Variants in GALNT18 observed in about 807,000 individuals in gnomAD.
GALNT18 encodes GalNAc-transferase 18.
GALNT18 carries 44 observed loss-of-function variants against 69.5 expected under a neutral mutation model. The observed-to-expected ratio is 0.63, with a 90% CI of 0.50 to 0.81. The LOEUF (loss-of-function observed/expected upper bound fraction) is 0.81. Ranked by LOEUF, GALNT18 falls within the 40% of genes least tolerant of loss-of-function variation. The pLI, the probability that GALNT18 is intolerant of heterozygous loss-of-function variation, is 0.00. For missense variants in GALNT18, 715 were observed against 810.0 expected (o/e 0.88, Z 1.42); for synonymous variants, 364 against 318.2 (o/e 1.14, Z -1.53).
rs1226933973 is a variant in GALNT18 at position 11,463,523 on chromosome 11, T to G, written c.236-14587A>C. Among the ~76,000 whole-genome samples, 1 of 152,202 alleles carries G rather than the reference T, an allele frequency of 6.6e-6. No homozygotes were observed. Among genetic ancestry groups the G allele is most frequent in the Admixed American group, 6.5e-5 (1 of 15,288 alleles). The stretch of plus-strand genomic sequence containing the variant: ...ACACGTCCCCTGGGAGCCCTAGCTG[T>G]TGTGGCCCCAGGGCTGAGCGTGCCA... On this transcript the variant is annotated intron_variant, in intron 1 of 10. Coordinates refer to ENST00000227756, the MANE Select transcript of GALNT18 (RefSeq NM_198516.3). The surrounding 1 kb of genome is among the most constrained non-coding windows in gnomAD (Gnocchi z 4.2).
intron 1 of GALNT18, among the ~76,000 whole-genome samples, chr11:11,553,633 C>T (rs1317174768): frequency 6.6e-6 from 1 of 152,136 alleles, no homozygotes; most frequent in Non-Finnish European, 1.5e-5. Context: ...CCTGGGAAGG[C>T]CCTTTATGGA....
intron 1 of GALNT18, among the ~76,000 whole-genome samples, chr11:11,554,204 C>A (rs761046975): frequency 6.6e-6 from 1 of 152,192 alleles, no homozygotes; most frequent in Admixed American, 6.5e-5. Context: ...TTTCTGGAGC[C>A]ATGGCTGTGA....
At chr11:11,487,185 C>A (rs1404547822) in intron 1 of GALNT18, among the ~76,000 whole-genome samples, 1 of 152,172 alleles carries the variant, frequency 6.6e-6, no homozygotes, top group Non-Finnish European at 1.5e-5. Flanking sequence ...AGGTTGTCTT[C>A]ATGATATTAT....
intron 1 of GALNT18, among the ~76,000 whole-genome samples, chr11:11,597,660 ATTC>A (rs1859532550): frequency 6.8e-6 from 1 of 146,232 alleles, no homozygotes; most frequent in Admixed American, 6.7e-5. Context: ...TAATTTGAGT[ATTC>A]TTTTTTTTTT....
intron 3 of GALNT18, among the ~76,000 whole-genome samples, chr11:11,390,316 C>T (rs1854156830): frequency 6.6e-6 from 1 of 152,190 alleles, no homozygotes; most frequent in Non-Finnish European, 1.5e-5. Context: ...TTCTTCTCGC[C>T]TCCCCTGTCC....
intron 6 of GALNT18, among the ~76,000 whole-genome samples, chr11:11,362,285 T>G (rs1200404854): frequency 1.3e-5 from 2 of 152,078 alleles, no homozygotes; most frequent in Non-Finnish European, 2.9e-5. Context: ...TTTCTATGAT[T>G]AAAATCTGGA....
At chr11:11,468,410 T>C (rs1417766994) in intron 1 of GALNT18, among the ~76,000 whole-genome samples, 2 of 152,252 alleles carry the variant, frequency 1.3e-5, no homozygotes, top group African/African-American at 2.4e-5. Context: ...GCTCGCCTCC[T>C]TCCTGCCTGC....
intron 9 of GALNT18, among the ~76,000 whole-genome samples, chr11:11,326,773 T>C (rs375850817): frequency 1.3e-5 from 2 of 152,198 alleles, no homozygotes; most frequent in African/African-American, 4.8e-5. Flanking sequence ...GCCAGAACTG[T>C]GATGTACCCA....
chr11:11,452,921 G>A (rs1043358708), intron 1 of GALNT18, among the ~76,000 whole-genome samples: 3 of 152,186 alleles, frequency 2.0e-5, no homozygotes, highest in Non-Finnish European at 2.9e-5. Context: ...GGGCCCATTC[G>A]AGGCAGAGAT....
intron 6 of GALNT18, among the ~76,000 whole-genome samples, chr11:11,363,202 T>G (rs1435828057): frequency 6.6e-6 from 1 of 152,210 alleles, no homozygotes; most frequent in Non-Finnish European, 1.5e-5. Context: ...TGAAAGTTCC[T>G]TATTTTGTAG....
In GALNT18 at chr11:11,372,396, G is replaced by A; in HGVS notation, c.1092+119C>T. The A allele has an allele frequency of 1.3e-6, 1 of 754,282 alleles. No homozygotes were observed. Among genetic ancestry groups the A allele is most frequent in the Non-Finnish European group, 2.3e-6 (1 of 439,918 alleles). The allele number at this position is 754,282 out of a possible 1,614,324, so 46.7% of individuals were successfully genotyped here. ...CAATCCCAATCACACACAGGATTCA[G>A]GACTGGACATTCAGAATCAGTCTGT... On this transcript the variant is annotated intron_variant, in intron 6 of 10. Transcript: ENST00000227756. This position sits in a 1 kb window ranked among gnomAD's most constrained non-coding sequence, Gnocchi z 4.9.
intron 1 of GALNT18, among the ~76,000 whole-genome samples, chr11:11,551,866 G>A (rs1858202645): frequency 6.6e-6 from 1 of 152,182 alleles, no homozygotes. Flanking sequence ...TGTTCTGCGA[G>A]CAGGGGGTGG....
In GALNT18 at chr11:11,578,769, G is replaced by C. The variant is rs538098280; in HGVS notation, c.235+42590C>G. On this transcript the variant is annotated intron_variant, in intron 1 of 10. Coordinates refer to ENST00000227756, the MANE Select transcript of GALNT18 (RefSeq NM_198516.3). ...GCTGCTGCCTTCCTTCGGGACTCCT[G>C]CTGCATTAGCAAAATCAATGAAGGG... Among the ~76,000 whole-genome samples, 21 of 152,346 alleles carry C rather than the reference G, an allele frequency of 1.4e-4. No homozygotes were observed. In the South Asian group the frequency reaches 3.9e-3, roughly 29 times the overall value.
At chr11:11,593,783 GTAAAA>G (rs140996966) in intron 1 of GALNT18, among the ~76,000 whole-genome samples, 5,420 of 152,156 alleles carry the variant, frequency 0.036, 128 homozygotes, top group Non-Finnish European at 0.056. Flanking sequence ...ATAAAATAAA[GTAAAA>G]TAAAATAAAA....
At chr11:11,551,152 T>A (rs1299041051) in intron 1 of GALNT18, among the ~76,000 whole-genome samples, 3 of 151,812 alleles carry the variant, frequency 2.0e-5, no homozygotes, top group African/African-American at 7.3e-5. Flanking sequence ...TATAACAAGT[T>A]CACTTTATTT....
rs1003682122 is a variant in GALNT18 at position 11,457,577 on chromosome 11, C to A, written c.236-8641G>T. Among the ~76,000 whole-genome samples the A allele has an allele frequency of 2.0e-5, 3 of 152,364 alleles. No homozygotes were observed. The East Asian group carries it at 5.8e-4, about 29-fold the overall frequency. ...GGTTGGGCCGCAGGAATGGTCAAGT[C>A]CTACCGAAGGGTCAGACAGAGCCAC... On this transcript the variant is annotated intron_variant, in intron 1 of 10. Transcript: ENST00000227756.
At position 11,511,827 on chromosome 11, in the gene GALNT18, A is replaced by C. The variant is rs1209693827; in HGVS notation, c.236-62891T>G. On this transcript the variant is annotated intron_variant, in intron 1 of 10. Coordinates refer to ENST00000227756, the MANE Select transcript of GALNT18 (RefSeq NM_198516.3). The surrounding 1 kb of genome is among the most constrained non-coding windows in gnomAD (Gnocchi z 4.9). ...AACAACCCAGAAGAGGGCCCTCACC[A>C]GACCCGGACCACACTGGTACCCTGA... Among the ~76,000 whole-genome samples the C allele has an allele frequency of 6.6e-6, 1 of 152,216 alleles. No homozygotes were observed. Among genetic ancestry groups the C allele is most frequent in the East Asian group, 1.9e-4 (1 of 5,188 alleles).
At chr11:11,417,063 T>C (rs768570561) in intron 3 of GALNT18, among the ~76,000 whole-genome samples, 1 of 152,236 alleles carries the variant, frequency 6.6e-6, no homozygotes, top group Non-Finnish European at 1.5e-5. Context: ...CCAGGGAACC[T>C]GATTCAAGTT....
At chr11:11,487,233 T>C (rs7125946) in intron 1 of GALNT18, among the ~76,000 whole-genome samples, 66,588 of 151,834 alleles carry the variant, frequency 0.44, 15,983 homozygotes, top group African/African-American at 0.63. Flanking sequence ...GGCATAAGAA[T>C]GACACAGTGG....
Sources: gnomAD v4.1 joint callset for allele counts (sites outside exome capture counted in the v4.1 genomes callset) on GRCh38, gnomAD v4.1.1 for gene constraint, Gnocchi (gnomAD v3.1) non-coding constraint, MANE v1.5 for transcripts, NCBI Gene and HGNC (gene_info 2026-07-23, HGNC 2026-07-21) for gene names.